PIK3C2A: variants seen among roughly 807,000 people sequenced by gnomAD.
PIK3C2A encodes the protein phosphatidylinositol-4-phosphate 3-kinase catalytic subunit type 2 alpha, also known as phosphatidylinositol 4-phosphate 3-kinase C2 domain-containing subunit alpha.
A neutral mutation model predicts 204.5 loss-of-function variants in PIK3C2A; 97 were observed. The observed-to-expected ratio is 0.47, with a 90% CI of 0.40 to 0.56. PIK3C2A has a LOEUF of 0.56. PIK3C2A is among the 20% of genes least tolerant of loss of function. The probability of loss-of-function intolerance (pLI) is 0.00; values close to 1 mark genes in which losing one functional copy is unlikely to be tolerated. For synonymous variants in PIK3C2A, 653 were observed against 664.4 expected (o/e 0.98, Z 0.26); for missense variants, 1,735 against 1,969.2 (o/e 0.88, Z 2.25).
chr11:17,146,530 C>G (rs1258373764), intron 6 of PIK3C2A, among the ~76,000 whole-genome samples: 4 of 151,046 alleles, frequency 2.6e-5, no homozygotes, highest in Non-Finnish European at 5.9e-5. Context: ...CTGGCCAACA[C>G]ACCAAAAACC....
Position 17,150,608 on chromosome 11 carries a change from T to C in PIK3C2A, c.1217A>G (p.Tyr406Cys). ...TTGTGCTGTGACTGGACTTAACAAA[T>C]AGCCTGGGTTTGTGCGGTGATTGGT... ...PYTNHRTNPG[Y>C]LLSPVTAQRN... The change falls in exon 4 of 33, where the codon TAT becomes TGT. Residue 406 changes from tyrosine to cysteine, a missense_variant. Physicochemically the swap from Tyr to Cys is radical, Grantham distance 194. Coordinates refer to ENST00000691414, the MANE Select transcript of PIK3C2A (RefSeq NM_002645.4). The C allele has an allele frequency of 6.2e-7, 1 of 1,611,148 alleles. No individual in the cohort carries two copies. The highest frequency in any genetic ancestry group is 1.1e-5 in the South Asian group (1 of 90,818).
intron 19 of PIK3C2A, among the ~76,000 whole-genome samples, chr11:17,115,358 C>T (rs1455305816): frequency 9.2e-5 from 12 of 130,494 alleles, no homozygotes; most frequent in Non-Finnish European, 9.5e-5. Context: ...CATGGCAAAA[C>T]CCTGTCCCTA....
intron 9 of PIK3C2A, 89 bp downstream of exon 9, chr11:17,136,393 T>C: frequency 1.0e-6 from 1 of 976,988 alleles, no homozygotes; most frequent in South Asian, 1.4e-5. Context: ...AAAGTTAAAA[T>C]GACAATATTT....
intron 18 of PIK3C2A, 76 bp from the exon 19 acceptor site, chr11:17,117,747 C>G (rs1175191572): frequency 1.2e-6 from 1 of 824,546 alleles, no homozygotes; most frequent in African/African-American, 1.9e-5. Context: ...CGGAGCCTCA[C>G]TCGTCACCCA....
At chr11:17,151,090 G>A (rs950144816) in intron 3 of PIK3C2A, among the ~76,000 whole-genome samples, 2 of 152,086 alleles carry the variant, frequency 1.3e-5, no homozygotes, top group African/African-American at 4.8e-5. Flanking sequence ...TTCTTCTAAG[G>A]ACCTTTTTCG....
At chr11:17,184,527 T>C (rs1178079312) in intron 1 of PIK3C2A, among the ~76,000 whole-genome samples, 1 of 152,204 alleles carries the variant, frequency 6.6e-6, no homozygotes, top group Admixed American at 6.5e-5. Flanking sequence ...AAAGTATTTT[T>C]GTATAGCTGT....
intron 1 of PIK3C2A, among the ~76,000 whole-genome samples, chr11:17,206,235 C>T (rs1314961284): frequency 6.6e-6 from 1 of 152,132 alleles, no homozygotes; most frequent in Non-Finnish European, 1.5e-5. Flanking sequence ...AAAAAACCTA[C>T]TTTAGAATGT....
At chr11:17,200,140 C>G (rs970525761) in intron 1 of PIK3C2A, among the ~76,000 whole-genome samples, 1 of 151,608 alleles carries the variant, frequency 6.6e-6, no homozygotes, top group Non-Finnish European at 1.5e-5. Flanking sequence ...GAGCTGAGAT[C>G]GCGCCACTGC....
At chr11:17,121,800 A>G (rs1247374465) in intron 15 of PIK3C2A, among the ~76,000 whole-genome samples, 2 of 152,070 alleles carry the variant, frequency 1.3e-5, no homozygotes, top group Non-Finnish European at 1.5e-5. Context: ...CTCCTTGACT[A>G]CTGAGTTCTT....
intron 8 of PIK3C2A, chr11:17,138,060 C>T: frequency 1.5e-6 from 1 of 663,072 alleles, no homozygotes; most frequent in Non-Finnish European, 2.8e-6. Flanking sequence ...CATGCTTGAT[C>T]CTGTCACTAA....
intron 13 of PIK3C2A, among the ~76,000 whole-genome samples, chr11:17,128,860 G>T (rs1169070103): frequency 6.6e-6 from 1 of 152,162 alleles, no homozygotes; most frequent in Non-Finnish European, 1.5e-5. Context: ...GGCAGTAAGG[G>T]ATAGATTAGT....
Position 17,150,535 on chromosome 11 carries a change from A to C in PIK3C2A, c.1290T>G (p.Ile430Met). The change falls in exon 4 of 33, where the codon ATT becomes ATG. Residue 430 changes from isoleucine to methionine, a missense_variant. Ile to Met is a conservative substitution (Grantham distance 10). Coordinates refer to ENST00000691414, the MANE Select transcript of PIK3C2A (RefSeq NM_002645.4). ...AAGTAACTGGTAGCTGAAATCCTTCAATGTCAATGGAGACCTTCACACTAG... is the reference window on the plus strand; with the variant it reads ...AAGTAACTGGTAGCTGAAATCCTTCCATGTCAATGGAGACCTTCACACTAG... ...ENASVKVSID[I>M]EGFQLPVTFT... 1 of 1,608,972 alleles carries C rather than the reference A, an allele frequency of 6.2e-7. No individual in the cohort carries two copies. Among genetic ancestry groups the C allele is most frequent in the Non-Finnish European group, 8.5e-7 (1 of 1,177,722 alleles).
intron 1 of PIK3C2A, among the ~76,000 whole-genome samples, chr11:17,180,620 G>A (rs945814158): frequency 1.4e-4 from 22 of 152,084 alleles, no homozygotes; most frequent in African/African-American, 5.3e-4. Context: ...TCAGGAGTTC[G>A]AGACCAGCCT....
chr11:17,204,347 C>T (rs1277409913), intron 1 of PIK3C2A: 1 of 152,180 alleles, frequency 6.6e-6, no homozygotes, highest in Non-Finnish European at 1.5e-5. Flanking sequence ...TTCTCATGTA[C>T]AGCACTGCTT....
Position 17,119,233 on chromosome 11 carries a change from GGAA to G in PIK3C2A, c.2924_2926del (p.Leu975del), listed in dbSNP as rs758492933. 1.9e-6 allele frequency: 3 copies of G among 1,588,146 alleles called. No individual in the cohort carries two copies. The highest frequency in any genetic ancestry group is 3.4e-5 in the Admixed American group (2 of 59,576). ...TAAAAAACTCACTTGTACAAACTGT[GGAA>G]GAAGATCTGTTAGCTCATCATCACT... On this transcript the variant is annotated inframe_deletion, in exon 17 of 33. Coordinates refer to ENST00000691414, the MANE Select transcript of PIK3C2A (RefSeq NM_002645.4).
At chr11:17,178,980 C>T (rs1334950124) in intron 1 of PIK3C2A, among the ~76,000 whole-genome samples, 1 of 151,572 alleles carries the variant, frequency 6.6e-6, no homozygotes, top group East Asian at 1.9e-4. Flanking sequence ...CCACCCGCCT[C>T]GGCCTCCCAA....
chr11:17,123,451 G>T lies in PIK3C2A; in HGVS notation c.2400-638C>A, dbSNP rs531092152. 5.6e-4 allele frequency among the ~76,000 whole-genome samples: 84 copies of T among 149,828 alleles called. 1 individual carries two copies. In the East Asian group the frequency reaches 0.015, roughly 28 times the overall value. On this transcript the variant is annotated intron_variant, in intron 13 of 32. Coordinates refer to ENST00000691414, the MANE Select transcript of PIK3C2A (RefSeq NM_002645.4). Reference sequence around the variant, plus strand: ...TTTTTTTTTTTTTTGTAGAGAAGGGGTTTCGCCATGTTGCCCAAGCTCGTC... The same window carrying T: ...TTTTTTTTTTTTTTGTAGAGAAGGGTTTTCGCCATGTTGCCCAAGCTCGTC...
chr11:17,133,555 TTA>T, intron 11 of PIK3C2A, among the ~76,000 whole-genome samples: 2 of 152,298 alleles, frequency 1.3e-5, no homozygotes, highest in South Asian at 4.1e-4. Context: ...GTAGACTTTT[TTA>T]TAGCATTAAG....
At chr11:17,114,564 G>A in intron 19 of PIK3C2A, 99 bp from the exon 20 acceptor site, 1 of 604,490 alleles carries the variant, frequency 1.7e-6, no homozygotes, top group East Asian at 2.6e-5. Context: ...ATGCCCAGTT[G>A]TCAAACGGTG....
Sources: gnomAD v4.1 joint callset for allele counts (sites outside exome capture counted in the v4.1 genomes callset) on GRCh38, gnomAD v4.1.1 for gene constraint, MANE v1.5 for transcripts, NCBI Gene and HGNC (gene_info 2026-07-23, HGNC 2026-07-21) for gene names.